The following UNC5C variants were observed in gnomAD, a reference collection of about 807,000 sequenced individuals.
UNC5C encodes the protein netrin receptor UNC5C.
UNC5C carries 47 observed loss-of-function variants against 99.8 expected under a neutral mutation model. The observed-to-expected ratio is 0.47, with a 90% CI of 0.37 to 0.60. The LOEUF is 0.60. UNC5C is among the 20% of genes least tolerant of loss of function. UNC5C has a pLI of 0.00. For missense variants in UNC5C, 1,062 were observed against 1,165.9 expected, an observed-to-expected ratio of 0.91 and a Z score of 1.30; for synonymous variants, 487 against 452.2, an observed-to-expected ratio of 1.08 and a Z score of -0.98.
intron 1 of UNC5C, among the ~76,000 whole-genome samples, chr4:95,393,724 G>A (rs562329320): frequency 1.3e-5 from 2 of 152,168 alleles, no homozygotes; most frequent in Admixed American, 6.5e-5. Context: ...CATTCTTCCC[G>A]TGATCGCTTA....
intron 1 of UNC5C, among the ~76,000 whole-genome samples, chr4:95,390,269 C>T (rs1208081163): frequency 3.3e-5 from 5 of 151,918 alleles, no homozygotes; most frequent in Non-Finnish European, 5.9e-5. Flanking sequence ...ACTAGCTAGA[C>T]AACTTTTGCA....
chr4:95,254,110 C>T (rs1379185129), intron 4 of UNC5C, among the ~76,000 whole-genome samples: 6 of 152,112 alleles, frequency 3.9e-5, no homozygotes, highest in African/African-American at 1.2e-4. Flanking sequence ...TCAGACTGTT[C>T]TCTCTAAACA....
At chr4:95,518,120 A>AT (rs1722261669) in intron 1 of UNC5C, among the ~76,000 whole-genome samples, 1 of 152,182 alleles carries the variant, frequency 6.6e-6, no homozygotes, top group Non-Finnish European at 1.5e-5. Context: ...CCAAGAACTA[A>AT]TAAAGCACCA....
At chr4:95,387,241 C>A (rs370053170) in intron 1 of UNC5C, among the ~76,000 whole-genome samples, 3 of 152,166 alleles carry the variant, frequency 2.0e-5, no homozygotes, top group South Asian at 2.1e-4. Flanking sequence ...CTGGCTCAAG[C>A]CATCCTCCCA....
intron 7 of UNC5C, among the ~76,000 whole-genome samples, chr4:95,236,069 C>G (rs1380789697): frequency 6.6e-6 from 1 of 152,200 alleles, no homozygotes; most frequent in Non-Finnish European, 1.5e-5. Flanking sequence ...TTTGACCCAA[C>G]CATCCCATTA....
intron 1 of UNC5C, among the ~76,000 whole-genome samples, chr4:95,526,699 T>TA (rs765862829): frequency 7.1e-4 from 107 of 150,874 alleles, no homozygotes; most frequent in East Asian, 1.6e-3. Flanking sequence ...GAATTAAAGT[T>TA]AAAAAAAAAG....
chr4:95,399,682 G>A (rs1745631724), intron 1 of UNC5C, among the ~76,000 whole-genome samples: 1 of 152,120 alleles, frequency 6.6e-6, no homozygotes, highest in South Asian at 2.1e-4. Context: ...ATAACTTCTA[G>A]GCATTCTTTA....
At chr4:95,445,521 A>G (rs1468779965) in intron 1 of UNC5C, among the ~76,000 whole-genome samples, 2 of 152,158 alleles carry the variant, frequency 1.3e-5, no homozygotes, top group South Asian at 2.1e-4. Context: ...CATAAAGTAA[A>G]CAAATTCAGT....
chr4:95,421,839 T>G (rs1746328391), intron 1 of UNC5C, among the ~76,000 whole-genome samples: 2 of 152,224 alleles, frequency 1.3e-5, no homozygotes, highest in South Asian at 2.1e-4. Context: ...TTATGGATTT[T>G]ATGGTTCATT....
chr4:95,252,966 T>A (rs889927416), intron 4 of UNC5C, among the ~76,000 whole-genome samples: 4 of 152,208 alleles, frequency 2.6e-5, no homozygotes, highest in African/African-American at 9.6e-5. Flanking sequence ...AACATGCATA[T>A]GAAACAAATG....
At chr4:95,263,496 G>T (rs1415554087) in intron 4 of UNC5C, among the ~76,000 whole-genome samples, 1 of 152,150 alleles carries the variant, frequency 6.6e-6, no homozygotes, top group Admixed American at 6.5e-5. Context: ...AGGGTAATAG[G>T]AGTGGGAGTT....
chr4:95,384,797 C>G (rs1317133011), intron 1 of UNC5C, among the ~76,000 whole-genome samples: 1 of 152,038 alleles, frequency 6.6e-6, no homozygotes, highest in East Asian at 1.9e-4. Flanking sequence ...CCAGGAGAGC[C>G]TCTACCAAAA....
intron 1 of UNC5C, among the ~76,000 whole-genome samples, chr4:95,352,244 C>T (rs1307081045): frequency 6.6e-6 from 1 of 152,114 alleles, no homozygotes; most frequent in Non-Finnish European, 1.5e-5. Context: ...ATTTTCAAGG[C>T]CATGCTCCAG....
At chr4:95,436,741 A>G (rs1478035779) in intron 1 of UNC5C, among the ~76,000 whole-genome samples, 1 of 152,000 alleles carries the variant, frequency 6.6e-6, no homozygotes, top group African/African-American at 2.4e-5. Flanking sequence ...ATAAGCTAAT[A>G]AAACAATTGA....
chr4:95,524,760 A>G (rs1018606475), intron 1 of UNC5C, among the ~76,000 whole-genome samples: 2 of 152,142 alleles, frequency 1.3e-5, no homozygotes, highest in African/African-American at 4.8e-5. Context: ...GAGGCATGCA[A>G]TATAAATCTG....
intron 1 of UNC5C, among the ~76,000 whole-genome samples, chr4:95,516,363 G>A (rs567247376): frequency 8.1e-4 from 123 of 152,244 alleles, no homozygotes; most frequent in African/African-American, 2.8e-3. Flanking sequence ...GGGACAGAAG[G>A]TTCTTTGGTT....
chr4:95,468,653 G>A (rs1747872545), intron 1 of UNC5C, among the ~76,000 whole-genome samples: 1 of 152,020 alleles, frequency 6.6e-6, no homozygotes, highest in South Asian at 2.1e-4. Context: ...CCTTTATAAT[G>A]TTCTCTCTAT....
chr4:95,252,362 A>C (rs972451124), intron 4 of UNC5C, among the ~76,000 whole-genome samples: 4 of 152,240 alleles, frequency 2.6e-5, no homozygotes, highest in African/African-American at 9.6e-5. Context: ...TTGTTCTTGC[A>C]TCCCTTCTAC....
chr4:95,253,796 G>A (rs1424392549), intron 4 of UNC5C, among the ~76,000 whole-genome samples: 1 of 152,102 alleles, frequency 6.6e-6, no homozygotes, highest in Non-Finnish European at 1.5e-5. Flanking sequence ...CTCCATGAAA[G>A]GCTCAGTGAG....
Sources: allele counts gnomAD v4.1 joint callset (sites outside exome capture counted in the v4.1 genomes callset), GRCh38; gene constraint gnomAD v4.1.1; transcripts MANE v1.5; gene names NCBI Gene and HGNC (gene_info 2026-07-23, HGNC 2026-07-21).